C20orf96: variants seen among roughly 807,000 people sequenced by gnomAD.
The protein encoded by C20orf96 is chromosome 20 open reading frame 96, also known as uncharacterized protein C20orf96.
C20orf96 carries 57 observed loss-of-function variants against 52.6 expected under a neutral mutation model. That is an observed-to-expected ratio of 1.08 (90% CI 0.88 to 1.35). The LOEUF (loss-of-function observed/expected upper bound fraction) is 1.35, where lower values mean the gene tolerates loss of function less well. Ranked by LOEUF, C20orf96 falls within the 40% of genes most tolerant of loss-of-function variation. The probability of loss-of-function intolerance (pLI) is 0.00; values close to 1 mark genes in which losing one functional copy is unlikely to be tolerated. For synonymous variants in C20orf96, 168 were observed against 157.2 expected (o/e 1.07, Z -0.51); for missense variants, 478 against 443.6 (o/e 1.08, Z -0.70).
rs754072214 is a variant in C20orf96, at chr20:275,999, T to C, written c.1000A>G (p.Ile334Val). The C allele has an allele frequency of 3.3e-5, 54 of 1,614,038 alleles. No homozygotes were observed. Among genetic ancestry groups the C allele is most frequent in the Non-Finnish European group, 4.6e-5 (54 of 1,180,042 alleles). Residue 334 changes from isoleucine to valine, a missense_variant, in exon 10 of 11, where the codon ATA (isoleucine) becomes GTA (valine). Transcript: ENST00000360321. ...CTCCGAAGCAGAACATCCTCAAATA[T>C]GACCTCTCGGGGTTCCCGGGTCTGG... ...QAQTREPREV[I>V]FEDVLLRRPK...
chr20:284,049 T>G lies in C20orf96; in HGVS notation c.220A>C (p.Ser74Arg). ...TCTCTTGGATTCTTCGGCTGGCAGCTTGTCACCACCGTAGTGGGCTTGAAG... is the reference window on the plus strand; with the variant it reads ...TCTCTTGGATTCTTCGGCTGGCAGCGTGTCACCACCGTAGTGGGCTTGAAG... The part of the protein sequence containing the change: ...FHFKPTTVVT[S>R]CQPKNPRELH... Residue 74 changes from serine to arginine, a missense_variant, in exon 4 of 11, where the codon AGC becomes CGC. Physicochemically the swap from Ser to Arg is moderately radical, Grantham distance 110 (BLOSUM62 -1). Transcript: ENST00000360321. 6.2e-7 allele frequency: 1 copy of G among 1,614,092 alleles called. No individual in the cohort carries two copies. The highest frequency in any genetic ancestry group is 8.5e-7 in the Non-Finnish European group (1 of 1,180,016).
chr20:279,417 C>A lies in C20orf96; in HGVS notation c.307-87G>T, dbSNP rs1048547272. The stretch of plus-strand genomic sequence containing the variant: ...AGCCCGTGGACCCGCCGCCCCGGCC[C>A]CGCCAGACGCCCGCCCCCGTGCGGC... On this transcript the variant is annotated intron_variant, in intron 4 of 10. Coordinates refer to ENST00000360321, the MANE Select transcript of C20orf96 (RefSeq NM_153269.3). 1.2e-5 allele frequency: 17 copies of A among 1,382,610 alleles called. No individual in the cohort carries two copies. The Admixed American group carries it at 3.6e-4, about 29-fold the overall frequency. The allele number at this position is 1,382,610 out of a possible 1,614,324, so 85.6% of individuals were successfully genotyped here.
chr20:290,750 C>A lies in C20orf96; in HGVS notation c.-140G>T. Reference sequence around the variant, plus strand: ...CAGAAGTCCCGAGACCCGATGCTTTCGCCAGCGTCTCGGTCTCCAAGGAAA... The same window carrying A: ...CAGAAGTCCCGAGACCCGATGCTTTAGCCAGCGTCTCGGTCTCCAAGGAAA... On this transcript the variant is annotated 5_prime_UTR_variant, in exon 1 of 11. Coordinates refer to ENST00000360321, the MANE Select transcript of C20orf96 (RefSeq NM_153269.3). The A allele has an allele frequency of 9.7e-7, 1 of 1,027,460 alleles. No individual in the cohort carries two copies. 63.6% of individuals were successfully genotyped at this position (1,027,460 alleles called of 1,614,324 possible).
At chr20:276,704 CAGG>C (rs1266409967) in intron 9 of C20orf96, 86 bp downstream of exon 9, 11 of 1,544,348 alleles carry the variant, frequency 7.1e-6, no homozygotes, top group African/African-American at 2.7e-5. Flanking sequence ...AGCGCCAGAT[CAGG>C]AGAAGCCTGA....
chr20:273,869 T>C (rs2011916541), intron 10 of C20orf96, among the ~76,000 whole-genome samples: 1 of 103,290 alleles, frequency 9.7e-6, no homozygotes, highest in South Asian at 3.3e-4. Flanking sequence ...AGAGCTAGAC[T>C]CTGTCTCAAG....
intron 10 of C20orf96, 44 bp downstream of exon 10, chr20:275,924 A>T: frequency 6.4e-7 from 1 of 1,558,244 alleles, no homozygotes; most frequent in South Asian, 1.1e-5. Context: ...CCGTGAGCTC[A>T]GAGTGTGACT....
chr20:289,851 A>C (rs563370355), intron 2 of C20orf96, among the ~76,000 whole-genome samples, 175 bp from the exon 3 acceptor site: 75 of 152,290 alleles, frequency 4.9e-4, no homozygotes, highest in Non-Finnish European at 9.7e-4. Flanking sequence ...AAGAATTCTG[A>C]GAGATATTTA....
intron 10 of C20orf96, among the ~76,000 whole-genome samples, 177 bp from the exon 11 acceptor site, chr20:271,444 ACACACACACAC>A (rs749295678): frequency 0.14 from 7,119 of 49,110 alleles, 214 homozygotes; most frequent in African/African-American, 0.23. Context: ...ACACAAGCAT[ACACACACACAC>A]ACACACACAC....
chr20:272,700 C>A (rs143040181), intron 10 of C20orf96, among the ~76,000 whole-genome samples: 1 of 152,068 alleles, frequency 6.6e-6, no homozygotes, highest in African/African-American at 2.4e-5. Context: ...TCCCTCACCC[C>A]GCCCCAGCCT....
rs2011998350 is a variant in C20orf96 at position 275,834 on chromosome 20, G to C, written c.1031+134C>G. The stretch of plus-strand genomic sequence containing the variant: ...CCTGGTCAGTGGCAGATCCAAGGTG[G>C]AAACCCAGGACCGCCCCTCCCTCCC... On this transcript the variant is annotated intron_variant, in intron 10 of 10. Transcript: ENST00000360321. 5 of 821,050 alleles carry C rather than the reference G, an allele frequency of 6.1e-6. No homozygotes were observed. In the East Asian group the frequency reaches 1.2e-4, roughly 20 times the overall value. The allele number at this position is 821,050 out of a possible 1,614,324, so 50.9% of individuals were successfully genotyped here.
intron 4 of C20orf96, among the ~76,000 whole-genome samples, chr20:281,834 T>G (rs1462045744): frequency 6.6e-6 from 1 of 152,084 alleles, no homozygotes; most frequent in Non-Finnish European, 1.5e-5. Context: ...GGCATGATAG[T>G]GCATGTCTAT....
In C20orf96 at chr20:290,741, C is replaced by G. The variant is rs1162296644; in HGVS notation, c.-131G>C. On this transcript the variant is annotated 5_prime_UTR_variant, in exon 1 of 11. Coordinates refer to ENST00000360321, the MANE Select transcript of C20orf96 (RefSeq NM_153269.3). ...CAGGCCACTCAGAAGTCCCGAGACC[C>G]GATGCTTTCGCCAGCGTCTCGGTCT... is the stretch of plus-strand genomic sequence containing the variant. 1 of 1,091,798 alleles carries G rather than the reference C, an allele frequency of 9.2e-7. No individual in the cohort carries two copies. Among genetic ancestry groups the G allele is most frequent in the African/African-American group, 1.6e-5 (1 of 61,736 alleles). The allele number at this position is 1,091,798 out of a possible 1,614,324, so 67.6% of individuals were successfully genotyped here. A position where few individuals can be genotyped will look rare whatever the true frequency, so the allele number is the denominator to read the frequency against.
At chr20:287,526 T>A (rs1319555773) in intron 3 of C20orf96, among the ~76,000 whole-genome samples, 2 of 152,222 alleles carry the variant, frequency 1.3e-5, no homozygotes, top group Non-Finnish European at 2.9e-5. Context: ...TGTTTCACTG[T>A]TGAGTTTTTA....
intron 4 of C20orf96, among the ~76,000 whole-genome samples, chr20:283,694 T>TA (rs11424466): frequency 0.33 from 50,823 of 152,088 alleles, 8,733 homozygotes; most frequent in East Asian, 0.39. Flanking sequence ...TCTTGAGTCT[T>TA]AAACAGAACA....
chr20:289,717 T>C (rs1467218309), intron 2 of C20orf96, 41 bp from the exon 3 acceptor site: 1 of 1,494,262 alleles, frequency 6.7e-7, no homozygotes, highest in South Asian at 1.1e-5. Flanking sequence ...CATGAGTTTA[T>C]ATCCCAGCTC....
At chr20:280,619 C>T (rs1315329688) in intron 4 of C20orf96, among the ~76,000 whole-genome samples, 1 of 152,216 alleles carries the variant, frequency 6.6e-6, no homozygotes, top group East Asian at 1.9e-4. Context: ...TTCTGAATCC[C>T]AATGTCTGTC....
At chr20:280,071 G>A (rs546948542) in intron 4 of C20orf96, among the ~76,000 whole-genome samples, 4 of 152,228 alleles carry the variant, frequency 2.6e-5, no homozygotes, top group African/African-American at 7.2e-5. Flanking sequence ...GATGATAAAC[G>A]TCAGCATTTC....
chr20:279,120 G>A (rs2012165294), intron 5 of C20orf96, 52 bp downstream of exon 5: 6 of 1,117,988 alleles, frequency 5.4e-6, no homozygotes, highest in Middle Eastern at 3.0e-4. Flanking sequence ...GGGAGGGAGG[G>A]ACGGAGGTTG....
At chr20:271,443 TACACACACAC>T (rs71191933) in intron 10 of C20orf96, among the ~76,000 whole-genome samples, 176 bp from the exon 11 acceptor site, 11,659 of 134,618 alleles carry the variant, frequency 0.087, 1,206 homozygotes, top group African/African-American at 0.25. Flanking sequence ...TACACAAGCA[TACACACACAC>T]ACACACACAC....
Sources: gnomAD v4.1 joint callset for allele counts (sites outside exome capture counted in the v4.1 genomes callset) on GRCh38, gnomAD v4.1.1 for gene constraint, MANE v1.5 for transcripts, NCBI Gene and HGNC (gene_info 2026-07-23, HGNC 2026-07-21) for gene names.